The following GEMIN5 variants were observed in gnomAD, a reference collection of about 807,000 sequenced individuals.
GEMIN5 encodes the protein gem-associated protein 5.
Under a neutral mutation model 176.9 loss-of-function variants are expected in GEMIN5, and 124 were observed. That is an observed-to-expected ratio of 0.70 (90% CI 0.61 to 0.81). The LOEUF is 0.81. GEMIN5 is among the 40% of genes least tolerant of loss of function. The pLI, the probability that GEMIN5 is intolerant of heterozygous loss-of-function variation, is 0.00. For synonymous variants in GEMIN5, 673 were observed against 665.2 expected (o/e 1.01, Z -0.18); for missense variants, 1,843 against 1,814.6 (o/e 1.02, Z -0.28).
Position 154,937,043 on chromosome 5 carries a change from T to C in GEMIN5, c.309A>G (p.Thr103=). The C allele has an allele frequency of 1.9e-6, 3 of 1,613,860 alleles. No homozygotes were observed. Among genetic ancestry groups the C allele is most frequent in the Non-Finnish European group, 2.5e-6 (3 of 1,179,816 alleles). ...IWDVETKTVV[T]EHALHQHTIS... ...ATGGTACCTGATGGAGTGCATGTTC[T>C]GTCACAACTGTTTTTGTCTCTACAT... Residue 103 remains threonine (T), a synonymous_variant, in exon 2 of 28, where the codon ACA becomes ACG. Coordinates refer to ENST00000285873, the MANE Select transcript of GEMIN5 (RefSeq NM_015465.5).
intron 16 of GEMIN5, 123 bp downstream of exon 16, chr5:154,907,468 C>A (rs1763591071): frequency 1.1e-4 from 67 of 603,466 alleles, no homozygotes; most frequent in Middle Eastern, 2.7e-4. Flanking sequence ...ACAAAAAAAA[C>A]TAATGCTGTT....
At chr5:154,917,860 G>T in intron 12 of GEMIN5, 71 bp downstream of exon 12, 1 of 960,470 alleles carries the variant, frequency 1.0e-6, no homozygotes, top group Non-Finnish European at 1.7e-6. Context: ...CATTACAGAT[G>T]GCATTAGTCA....
intron 9 of GEMIN5, among the ~76,000 whole-genome samples, chr5:154,922,818 T>G (rs1763952395): frequency 7.1e-6 from 1 of 141,268 alleles, no homozygotes; most frequent in Non-Finnish European, 1.5e-5. Flanking sequence ...TACCTCAGCC[T>G]CCCGAGTAGC....
At chr5:154,894,703 G>C (rs1763311226) in intron 24 of GEMIN5, among the ~76,000 whole-genome samples, 1 of 151,394 alleles carries the variant, frequency 6.6e-6, no homozygotes, top group Non-Finnish European at 1.5e-5. Flanking sequence ...TCAGGAGTTC[G>C]AGACCAGCCT....
intron 23 of GEMIN5, among the ~76,000 whole-genome samples, chr5:154,898,111 G>A (rs756197096): frequency 2.6e-5 from 4 of 152,040 alleles, no homozygotes; most frequent in Non-Finnish European, 5.9e-5. Context: ...ATGTTGTCCA[G>A]GCTTGTCTCA....
At chr5:154,900,318 G>GT (rs1244066605) in intron 21 of GEMIN5, among the ~76,000 whole-genome samples, 1 of 152,200 alleles carries the variant, frequency 6.6e-6, no homozygotes, top group Non-Finnish European at 1.5e-5. Context: ...GGAAAAAAGT[G>GT]TTTTATTAGA....
intron 3 of GEMIN5, among the ~76,000 whole-genome samples, chr5:154,933,835 C>G (rs1357509524): frequency 1.4e-5 from 2 of 148,096 alleles, no homozygotes; most frequent in African/African-American, 2.6e-5. Context: ...TCTGAAGATC[C>G]TCCCCTGACT....
chr5:154,917,908 A>G lies in GEMIN5; in HGVS notation c.1673+23T>C, dbSNP rs538294292. Reference sequence around the variant, plus strand: ...ATATATGTGCGATTGCAAATTTTTTATCTTAAAGAAGCAAATACATACCCA... The same window carrying G: ...ATATATGTGCGATTGCAAATTTTTTGTCTTAAAGAAGCAAATACATACCCA... On this transcript the variant is annotated intron_variant, in intron 12 of 27. Transcript: ENST00000285873. 3.9e-6 allele frequency: 6 copies of G among 1,530,334 alleles called. No homozygotes were observed. In the East Asian group the frequency reaches 9.0e-5, roughly 23 times the overall value. 94.8% of individuals were successfully genotyped at this position (1,530,334 alleles called of 1,614,324 possible).
intron 20 of GEMIN5, among the ~76,000 whole-genome samples, chr5:154,901,795 T>TC (rs1554101464): frequency 1.6e-3 from 234 of 149,042 alleles, no homozygotes; most frequent in Admixed American, 1.3e-3. Flanking sequence ...TTTTTTTTTT[T>TC]CCCTTTCCTT....
chr5:154,920,120 A>G lies in GEMIN5; in HGVS notation c.1463-17T>C. 6.2e-7 allele frequency: 1 copy of G among 1,603,670 alleles called. No homozygotes were observed. Among genetic ancestry groups the G allele is most frequent in the Non-Finnish European group, 8.5e-7 (1 of 1,174,978 alleles). ...CTTCTCCTCCTGTATGAAATAAGAAAAGAAACTTATCAGTTTTGTACTTCA... is the reference window on the plus strand; with the variant it reads ...CTTCTCCTCCTGTATGAAATAAGAAGAGAAACTTATCAGTTTTGTACTTCA... On this transcript the variant is annotated splice_polypyrimidine_tract_variant and intron_variant, in intron 10 of 27. Coordinates refer to ENST00000285873, the MANE Select transcript of GEMIN5 (RefSeq NM_015465.5).
chr5:154,891,723 G>A lies in GEMIN5; in HGVS notation c.3780C>T (p.Asp1260=), dbSNP rs1280705705. Residue 1260 remains aspartate, a synonymous_variant, in exon 26 of 28, where the codon GAC becomes GAT. Transcript: ENST00000285873. ...FLPDGCDHLR[D]KLGDHQSPAT... ...CAGGGGATTGATGGTCCCCCAACTT[G>A]TCTCTTAGGTGGTCACAGCCTAGGA... 3 of 1,597,092 alleles carry A rather than the reference G, an allele frequency of 1.9e-6. No individual in the cohort carries two copies. The highest frequency in any genetic ancestry group is 2.7e-5 in the African/African-American group (2 of 73,512).
chr5:154,935,520 C>T (rs1434287462), intron 3 of GEMIN5, among the ~76,000 whole-genome samples: 3 of 152,084 alleles, frequency 2.0e-5, no homozygotes, highest in Non-Finnish European at 4.4e-5. Context: ...TCATCTGACA[C>T]CTGGGAGTTC....
chr5:154,916,483 T>G (rs1234444810), intron 13 of GEMIN5, among the ~76,000 whole-genome samples: 2 of 152,002 alleles, frequency 1.3e-5, no homozygotes, highest in African/African-American at 2.4e-5. Flanking sequence ...AGGGGAAAAC[T>G]TCATTTTTTT....
intron 23 of GEMIN5, among the ~76,000 whole-genome samples, 165 bp downstream of exon 23, chr5:154,898,275 G>C (rs576786190): frequency 6.6e-6 from 1 of 152,172 alleles, no homozygotes; most frequent in Non-Finnish European, 1.5e-5. Context: ...CTCTGAATAC[G>C]GCAACTAACA....
chr5:154,900,807 T>C (rs186690633), intron 21 of GEMIN5, among the ~76,000 whole-genome samples: 11 of 152,310 alleles, frequency 7.2e-5, no homozygotes, highest in African/African-American at 2.6e-4. Flanking sequence ...TCCCAGAGCT[T>C]ACTCAGGACT....
intron 22 of GEMIN5, 58 bp from the exon 23 acceptor site, chr5:154,898,708 C>T: frequency 7.6e-7 from 1 of 1,316,176 alleles, no homozygotes; most frequent in African/African-American, 1.4e-5. Flanking sequence ...ATTCCCATTC[C>T]TAGAGGATGG....
intron 5 of GEMIN5, among the ~76,000 whole-genome samples, chr5:154,929,897 T>C (rs901235692): frequency 2.0e-5 from 3 of 152,266 alleles, no homozygotes; most frequent in African/African-American, 7.2e-5. Context: ...AGTACATCCA[T>C]GCTCATAGCA....
intron 11 of GEMIN5, 109 bp downstream of exon 11, chr5:154,919,858 C>G: frequency 3.3e-6 from 3 of 913,780 alleles, no homozygotes; most frequent in Non-Finnish European, 5.1e-6. Context: ...AGAAATCTGA[C>G]TTAGTATGAT....
chr5:154,920,882 G>A (rs920318317), intron 10 of GEMIN5, among the ~76,000 whole-genome samples: 1 of 152,198 alleles, frequency 6.6e-6, no homozygotes, highest in African/African-American at 2.4e-5. Context: ...GGGGCTAGAA[G>A]AGGGAAAGGA....
Sources: gnomAD v4.1 joint callset for allele counts (sites outside exome capture counted in the v4.1 genomes callset) on GRCh38, gnomAD v4.1.1 for gene constraint, MANE v1.5 for transcripts, NCBI Gene and HGNC (gene_info 2026-07-23, HGNC 2026-07-21) for gene names.